EPB41L2: variants seen among roughly 807,000 people sequenced by gnomAD.
EPB41L2 encodes the protein erythrocyte membrane protein band 4.1 like 2, also known as band 4.1-like protein 2.
Under a neutral mutation model 113.0 loss-of-function variants are expected in EPB41L2, and 43 were observed. The observed-to-expected ratio is 0.38, with a 90% confidence interval of 0.30 to 0.49. EPB41L2 has a LOEUF of 0.49. Among genes scored for constraint, EPB41L2 ranks in the 20% least tolerant of loss-of-function variants. EPB41L2 has a pLI of 0.95. For synonymous variants in EPB41L2, 442 were observed against 436.7 expected (o/e 1.01, Z -0.15); for missense variants, 1,147 against 1,223.4 (o/e 0.94, Z 0.93).
At chr6:131,059,271 C>T (rs1385434186) in intron 1 of EPB41L2, among the ~76,000 whole-genome samples, 4 of 152,052 alleles carry the variant, frequency 2.6e-5, no homozygotes, top group Non-Finnish European at 5.9e-5. Flanking sequence ...CCTGCCACCA[C>T]GCCTGGCTAA....
intron 4 of EPB41L2, among the ~76,000 whole-genome samples, chr6:130,920,911 T>C (rs1802675541): frequency 6.6e-6 from 1 of 152,062 alleles, no homozygotes; most frequent in African/African-American, 2.4e-5. Flanking sequence ...AAAATAAAAA[T>C]TAAGTTCCAT....
chr6:130,971,942 G>A (rs1432541945), intron 1 of EPB41L2, among the ~76,000 whole-genome samples: 2 of 152,082 alleles, frequency 1.3e-5, no homozygotes, highest in Admixed American at 6.5e-5. Flanking sequence ...AAAAATGGAG[G>A]TGCATTTTAA....
intron 15 of EPB41L2, chr6:130,867,785 C>T (rs1784275424): frequency 1.8e-6 from 1 of 554,456 alleles, no homozygotes; most frequent in Non-Finnish European, 3.2e-6. Flanking sequence ...CACATACATA[C>T]ATGTGCACAT....
chr6:130,870,821 TAAAAAAAA>T (rs554695255), intron 14 of EPB41L2, among the ~76,000 whole-genome samples: 3 of 140,882 alleles, frequency 2.1e-5, no homozygotes, highest in African/African-American at 7.8e-5. Flanking sequence ...TGGTTTTCTT[TAAAAAAAA>T]AAAAAAAGTT....
At chr6:130,891,433 TTAC>T (rs1359135364) in intron 10 of EPB41L2, among the ~76,000 whole-genome samples, 1,691 of 53,502 alleles carry the variant, frequency 0.032, 40 homozygotes, top group African/African-American at 0.059. Flanking sequence ...ATTTATTTAC[TTAC>T]TTACTTACTT....
intron 1 of EPB41L2, among the ~76,000 whole-genome samples, chr6:130,976,454 AC>A (rs775440815): frequency 2.0e-5 from 3 of 152,212 alleles, no homozygotes; most frequent in Admixed American, 6.5e-5. Flanking sequence ...TACATTAAAA[AC>A]AATTACATTT....
At position 130,869,808 on chromosome 6, in the gene EPB41L2, C is replaced by T; in HGVS notation, c.2362G>A (p.Val788Ile). 6.2e-7 allele frequency: 1 copy of T among 1,614,018 alleles called. No individual in the cohort carries two copies. The highest frequency in any genetic ancestry group is 1.3e-5 in the African/African-American group (1 of 74,978). Residue 788 changes from valine (V) to isoleucine (I), a missense_variant, in exon 15 of 20, where the codon GTA becomes ATA. Physicochemically the swap from Val to Ile is conservative, Grantham distance 29. Transcript: ENST00000337057. The part of the protein sequence containing the change: ...EEEPRPAAKV[V>I]EREEAVPEAS... ...TCGGGCACTGCTTCCTCCCTCTCTA[C>T]TACCTTGGCTGCCGGGCGGGGTTCT...
chr6:130,941,530 G>T (rs1480921004), intron 3 of EPB41L2, among the ~76,000 whole-genome samples: 1 of 152,152 alleles, frequency 6.6e-6, no homozygotes, highest in Non-Finnish European at 1.5e-5. Flanking sequence ...TAAACTATTT[G>T]CCTAGAATGA....
chr6:130,998,360 C>A (rs1187941358), intron 1 of EPB41L2, among the ~76,000 whole-genome samples: 1 of 152,146 alleles, frequency 6.6e-6, no homozygotes, highest in Admixed American at 6.5e-5. Flanking sequence ...GAGCTAGTTG[C>A]TTAATGAATT....
intron 1 of EPB41L2, among the ~76,000 whole-genome samples, chr6:130,969,259 T>C (rs1331071757): frequency 6.6e-6 from 1 of 152,122 alleles, no homozygotes; most frequent in Non-Finnish European, 1.5e-5. Context: ...AGTACACATG[T>C]ACCCCCCTCA....
intron 1 of EPB41L2, among the ~76,000 whole-genome samples, chr6:131,061,769 T>G (rs1798694261): frequency 6.6e-6 from 1 of 151,892 alleles, no homozygotes; most frequent in Admixed American, 6.6e-5. Context: ...CTCAACAGCG[T>G]TATAAAGAGA....
At chr6:130,962,161 A>G (rs1481450061) in intron 1 of EPB41L2, among the ~76,000 whole-genome samples, 1 of 152,176 alleles carries the variant, frequency 6.6e-6, no homozygotes, top group African/African-American at 2.4e-5. Flanking sequence ...GGGAAAAAAA[A>G]CAAATGTAGA....
At chr6:131,018,850 G>A (rs139007032) in intron 1 of EPB41L2, among the ~76,000 whole-genome samples, 96 of 152,116 alleles carry the variant, frequency 6.3e-4, no homozygotes, top group African/African-American at 2.1e-3. Flanking sequence ...CGTTATATTC[G>A]TTTATATTAA....
intron 1 of EPB41L2, among the ~76,000 whole-genome samples, chr6:131,012,000 T>C (rs1787110471): frequency 6.6e-6 from 1 of 151,646 alleles, no homozygotes; most frequent in Admixed American, 6.6e-5. Flanking sequence ...AGGTCAGGAG[T>C]TCAAGACCAG....
At chr6:131,032,119 G>A (rs1214721269) in intron 1 of EPB41L2, among the ~76,000 whole-genome samples, 1 of 152,064 alleles carries the variant, frequency 6.6e-6, no homozygotes, top group Non-Finnish European at 1.5e-5. Context: ...GTCCCATATA[G>A]TCTCATATAT....
chr6:130,843,226 C>T (rs1776045034), intron 19 of EPB41L2, among the ~76,000 whole-genome samples: 1 of 152,178 alleles, frequency 6.6e-6, no homozygotes, highest in African/African-American at 2.4e-5. Flanking sequence ...GACAGAATCA[C>T]CAATGTCACT....
At chr6:130,889,460 T>A (rs866672452) in intron 11 of EPB41L2, among the ~76,000 whole-genome samples, 2 of 151,998 alleles carry the variant, frequency 1.3e-5, no homozygotes, top group African/African-American at 2.4e-5. Context: ...TAGAAAAAAA[T>A]TCACATTTAT....
At chr6:131,004,730 A>C (rs1217959127) in intron 1 of EPB41L2, among the ~76,000 whole-genome samples, 1 of 152,124 alleles carries the variant, frequency 6.6e-6, no homozygotes, top group Non-Finnish European at 1.5e-5. Flanking sequence ...TCTGAACTCC[A>C]ACAGACTAGG....
At chr6:131,054,370 G>T (rs999872569) in intron 1 of EPB41L2, among the ~76,000 whole-genome samples, 31 of 152,242 alleles carry the variant, frequency 2.0e-4, no homozygotes, top group African/African-American at 7.5e-4. Flanking sequence ...GCTAGCTTCT[G>T]CTGGTCTCTG....
Sources: allele counts gnomAD v4.1 joint callset (sites outside exome capture counted in the v4.1 genomes callset), GRCh38; gene constraint gnomAD v4.1.1; transcripts MANE v1.5; gene names NCBI Gene and HGNC (gene_info 2026-07-23, HGNC 2026-07-21).